ABI2: variants seen among roughly 807,000 people sequenced by gnomAD.
The protein encoded by ABI2 is abl interactor 2.
ABI2 carries 25 observed loss-of-function variants against 59.2 expected under a neutral mutation model. The observed-to-expected ratio is 0.42, with a 90% CI of 0.31 to 0.59. ABI2 has a LOEUF of 0.59. Ranked by LOEUF, ABI2 falls within the 20% of genes least tolerant of loss-of-function variation. The pLI is 0.14. For missense variants in ABI2, 545 were observed against 681.8 expected (o/e 0.80, Z 2.23); for synonymous variants, 213 against 235.5 (o/e 0.90, Z 0.87).
At chr2:203,390,542 G>C (rs1296722950) in intron 4 of ABI2, among the ~76,000 whole-genome samples, 3 of 151,986 alleles carry the variant, frequency 2.0e-5, no homozygotes, top group African/African-American at 7.3e-5. Context: ...TGAGGCAGGA[G>C]AATTGCTTGA....
Position 203,396,780 on chromosome 2 carries a change from C to T in ABI2, c.851-5C>T, listed in dbSNP as rs1380721198. 1 of 1,525,008 alleles carries T rather than the reference C, an allele frequency of 6.6e-7. No individual in the cohort carries two copies. The allele number at this position is 1,525,008 out of a possible 1,614,324, so 94.5% of individuals were successfully genotyped here. ...ATGCTGCCTCTTACTCCTCTTTCCC[C>T]TCAGCCCCTGCTGGCTCTGCTGGCA... On this transcript the variant is annotated splice_region_variant and splice_polypyrimidine_tract_variant and intron_variant, in intron 7 of 11. Transcript: ENST00000261018.
chr2:203,375,693 AT>A (rs1416175408), intron 2 of ABI2, among the ~76,000 whole-genome samples: 2 of 152,240 alleles, frequency 1.3e-5, no homozygotes. Flanking sequence ...TTAAAGCTGC[AT>A]GATAGATGTG....
chr2:203,386,962 C>T (rs577496358), intron 4 of ABI2, among the ~76,000 whole-genome samples: 13 of 151,806 alleles, frequency 8.6e-5, no homozygotes, highest in African/African-American at 2.4e-4. Context: ...TTATTTTAGG[C>T]ATGTGAGTCT....
chr2:203,424,719 A>G (rs1188678125), intron 11 of ABI2, among the ~76,000 whole-genome samples: 2 of 152,204 alleles, frequency 1.3e-5, no homozygotes, highest in Admixed American at 6.5e-5. Context: ...TATTCTATAC[A>G]GCATATTTCT....
Position 203,427,476 on chromosome 2 carries a change from T to G in ABI2, c.*124T>G, listed in dbSNP as rs2098450055. The G allele has an allele frequency of 1.1e-6, 1 of 935,180 alleles. No homozygotes were observed. Among genetic ancestry groups the G allele is most frequent in the Admixed American group, 2.9e-5 (1 of 33,942 alleles). 57.9% of individuals were successfully genotyped at this position (935,180 alleles called of 1,614,324 possible). On this transcript the variant is annotated 3_prime_UTR_variant, in exon 12 of 12. Transcript: ENST00000261018. Reference sequence around the variant, plus strand: ...TACAAATGATAAAAATTACACTTTTTTTTTTGGTTTATTCCCCAGTATTAA... The same window carrying G: ...TACAAATGATAAAAATTACACTTTTGTTTTTGGTTTATTCCCCAGTATTAA...
rs1338135415 is a variant in ABI2, at chr2:203,428,882, C to T, written c.*1530C>T. 6.6e-6 allele frequency: 1 copy of T among 152,212 alleles called. No homozygotes were observed. The highest frequency in any genetic ancestry group is 1.5e-5 in the Non-Finnish European group (1 of 68,046). The allele number at this position is 152,212 out of a possible 1,614,324, so 9.4% of individuals were successfully genotyped here. A position where few individuals can be genotyped will look rare whatever the true frequency, so the allele number is the denominator to read the frequency against. ...CCTGTGCTAGGTGAAAGGGGAAAAG[C>T]AGTAGCTGGATATATTTCAAATGAG... On this transcript the variant is annotated 3_prime_UTR_variant, in exon 12 of 12. Coordinates refer to ENST00000261018, the MANE Select transcript of ABI2 (RefSeq NM_001375670.1).
intron 4 of ABI2, among the ~76,000 whole-genome samples, chr2:203,385,305 G>T (rs568647708): frequency 6.6e-6 from 1 of 150,908 alleles, no homozygotes; most frequent in South Asian, 2.1e-4. Flanking sequence ...CTAATTTTTT[G>T]TATTTTTAGT....
At chr2:203,363,483 A>C (rs1158301701) in intron 1 of ABI2, among the ~76,000 whole-genome samples, 6 of 136,984 alleles carry the variant, frequency 4.4e-5, no homozygotes, top group Admixed American at 7.6e-5. Flanking sequence ...CCACTCCCCT[A>C]CCTCCCTATC....
intron 2 of ABI2, among the ~76,000 whole-genome samples, chr2:203,368,285 T>C (rs2094690080): frequency 6.6e-6 from 1 of 152,184 alleles, no homozygotes. Flanking sequence ...GATAAAGGTT[T>C]TGGTCTGCCT....
intron 2 of ABI2, among the ~76,000 whole-genome samples, chr2:203,378,267 C>G: frequency 6.6e-6 from 1 of 152,108 alleles, no homozygotes; most frequent in Non-Finnish European, 1.5e-5. Context: ...CACCCGCCAC[C>G]ATGCCCGGCT....
intron 11 of ABI2, among the ~76,000 whole-genome samples, chr2:203,425,044 G>GT (rs2098384278): frequency 2.7e-5 from 3 of 112,004 alleles, no homozygotes; most frequent in Admixed American, 9.0e-5. Flanking sequence ...TTTTTTTTTT[G>GT]TATTTTTTTT....
At chr2:203,366,219 T>A (rs1286079320) in intron 1 of ABI2, among the ~76,000 whole-genome samples, 1 of 152,174 alleles carries the variant, frequency 6.6e-6, no homozygotes, top group Non-Finnish European at 1.5e-5. Flanking sequence ...TTCAGGAGGC[T>A]GAGGCAGGCC....
rs1250155052 is a variant in ABI2, at chr2:203,344,811, C to T, written c.117+16180C>T. ...GACTCTGTGTCTAGCTAAAGGTTTG[C>T]AAGCGCACCAATCTGCACTTTGTAA... On this transcript the variant is annotated intron_variant, in intron 1 of 11. Transcript: ENST00000261018. Among the ~76,000 whole-genome samples the T allele has an allele frequency of 8.3e-4, 126 of 152,136 alleles. 1 individual carries two copies. Among genetic ancestry groups the T allele is most frequent in the Admixed American group, 8.2e-3 (126 of 15,280 alleles).
chr2:203,354,543 G>A (rs965977566), intron 1 of ABI2, among the ~76,000 whole-genome samples: 9 of 152,184 alleles, frequency 5.9e-5, no homozygotes, highest in Non-Finnish European at 1.0e-4. Context: ...ACCCTGTCTG[G>A]AAGTTAACAG....
chr2:203,410,872 C>G, intron 9 of ABI2, among the ~76,000 whole-genome samples: 1 of 151,582 alleles, frequency 6.6e-6, no homozygotes, highest in East Asian at 1.9e-4. Flanking sequence ...AGGTAAAATT[C>G]AGAAAACAAC....
intron 2 of ABI2, among the ~76,000 whole-genome samples, chr2:203,371,796 T>A (rs1410080919): frequency 6.6e-6 from 1 of 152,176 alleles, no homozygotes; most frequent in African/African-American, 2.4e-5. Context: ...TGAATGTTGC[T>A]TACTGTGCCC....
chr2:203,379,581 A>C (rs1410237993), intron 2 of ABI2, among the ~76,000 whole-genome samples: 1 of 152,216 alleles, frequency 6.6e-6, no homozygotes, highest in East Asian at 1.9e-4. Context: ...TTTTTAAATA[A>C]AAAGATGTTT....
At chr2:203,388,286 CTT>C (rs2096610008) in intron 4 of ABI2, among the ~76,000 whole-genome samples, 1 of 152,202 alleles carries the variant, frequency 6.6e-6, no homozygotes, top group African/African-American at 2.4e-5. Flanking sequence ...TACAGAGACT[CTT>C]GTTTCTTAAG....
chr2:203,345,188 C>T (rs1411011622), intron 1 of ABI2, among the ~76,000 whole-genome samples: 3 of 152,168 alleles, frequency 2.0e-5, no homozygotes, highest in African/African-American at 7.2e-5. Context: ...CAGCTTCACT[C>T]CTGAAGCCAG....
Sources: gnomAD v4.1 joint callset for allele counts (sites outside exome capture counted in the v4.1 genomes callset) on GRCh38, gnomAD v4.1.1 for gene constraint, MANE v1.5 for transcripts, NCBI Gene and HGNC (gene_info 2026-07-23, HGNC 2026-07-21) for gene names.